Variants in NUSAP1 observed in about 807,000 individuals in gnomAD.
NUSAP1 encodes the protein nucleolar and spindle associated protein 1, also known as nucleolar and spindle-associated protein 1.
Under a neutral mutation model 52.8 loss-of-function variants are expected in NUSAP1, and 32 were observed. That is an observed-to-expected ratio of 0.61 (90% CI 0.46 to 0.81). NUSAP1 has a LOEUF of 0.81. Ranked by LOEUF, NUSAP1 falls within the 40% of genes least tolerant of loss-of-function variation. The pLI is 0.00. For synonymous variants in NUSAP1, 195 were observed against 183.1 expected, an observed-to-expected ratio of 1.06 and a Z score of -0.52; for missense variants, 499 against 522.3, an observed-to-expected ratio of 0.96 and a Z score of 0.43.
intron 6 of NUSAP1, among the ~76,000 whole-genome samples, chr15:41,358,568 C>T (rs1284339968): frequency 6.6e-6 from 1 of 152,188 alleles, no homozygotes; most frequent in Non-Finnish European, 1.5e-5. Flanking sequence ...GAAACCCTGT[C>T]TCTACAAAAA....
chr15:41,340,183 A>G (rs1317493208), intron 1 of NUSAP1, among the ~76,000 whole-genome samples: 4 of 152,012 alleles, frequency 2.6e-5, no homozygotes, highest in Admixed American at 1.3e-4. Flanking sequence ...TACTTCTACC[A>G]TAAGGGCAGT....
intron 7 of NUSAP1, among the ~76,000 whole-genome samples, chr15:41,368,728 C>CTTTTTTTTTTTTTTTTTTTTTTTTTTT (rs57501156): frequency 1.3e-5 from 1 of 77,942 alleles, no homozygotes; most frequent in African/African-American, 5.3e-5. Flanking sequence ...TTATTTTATT[C>CTTTTTTTTTTTTTTTTTTTTTTTTTTT]TTTTTTTTTT....
intron 4 of NUSAP1, among the ~76,000 whole-genome samples, chr15:41,354,250 T>C (rs2048879405): frequency 6.6e-6 from 1 of 152,184 alleles, no homozygotes; most frequent in Admixed American, 6.6e-5. Flanking sequence ...CTTACGCTTG[T>C]AATCCTAACA....
At chr15:41,357,182 G>A (rs2049005884) in intron 5 of NUSAP1, among the ~76,000 whole-genome samples, 1 of 151,972 alleles carries the variant, frequency 6.6e-6, no homozygotes, top group Admixed American at 6.6e-5. Context: ...AGCCTGGCCA[G>A]CATGGTGAAA....
chr15:41,358,343 TG>T (rs879727286), intron 6 of NUSAP1, 85 bp downstream of exon 6: 150 of 659,096 alleles, frequency 2.3e-4, no homozygotes, highest in Non-Finnish European at 2.6e-4. Context: ...TTACAACAAC[TG>T]GCTGTCACTC....
At chr15:41,357,283 G>A (rs536767514) in intron 5 of NUSAP1, among the ~76,000 whole-genome samples, 7 of 151,858 alleles carry the variant, frequency 4.6e-5, no homozygotes, top group Admixed American at 2.6e-4. Flanking sequence ...CAGGAAAATC[G>A]CTTGAACCTG....
chr15:41,368,272 C>T (rs1595589940), intron 7 of NUSAP1, among the ~76,000 whole-genome samples: 1 of 152,094 alleles, frequency 6.6e-6, no homozygotes, highest in African/African-American at 2.4e-5. Flanking sequence ...CCTGCCTCAG[C>T]CTCCCAAAGT....
chr15:41,375,871 A>C (rs763971941), intron 9 of NUSAP1, 43 bp downstream of exon 9: 3 of 1,373,350 alleles, frequency 2.2e-6, no homozygotes. Context: ...TAAAATACTT[A>C]AGATTGGTGG....
chr15:41,370,712 T>C (rs1402666838), intron 7 of NUSAP1, among the ~76,000 whole-genome samples: 1 of 142,586 alleles, frequency 7.0e-6, no homozygotes, highest in African/African-American at 2.6e-5. Flanking sequence ...ATCGCACCAT[T>C]GCACTCCAGC....
At chr15:41,345,402 G>T in intron 2 of NUSAP1, 1 of 397,958 alleles carries the variant, frequency 2.5e-6, no homozygotes, top group Admixed American at 3.4e-5. Flanking sequence ...ATCTTGAAAA[G>T]GCCAAAGATA....
At chr15:41,336,341 A>G (rs2048130860) in intron 1 of NUSAP1, among the ~76,000 whole-genome samples, 1 of 151,466 alleles carries the variant, frequency 6.6e-6, no homozygotes, top group African/African-American at 2.4e-5. Context: ...ACTTCTCTTA[A>G]TGGTATAGCA....
chr15:41,357,682 G>A (rs73404987), intron 5 of NUSAP1, among the ~76,000 whole-genome samples: 13,217 of 151,878 alleles, frequency 0.087, 725 homozygotes, highest in African/African-American at 0.16. Context: ...GACCTCAGGT[G>A]ATCTGACCGC....
chr15:41,351,637 A>T (rs2048782361), intron 4 of NUSAP1, among the ~76,000 whole-genome samples: 1 of 152,082 alleles, frequency 6.6e-6, no homozygotes, highest in African/African-American at 2.4e-5. Flanking sequence ...AGTCAAAAGA[A>T]TCAGCCAGCC....
At chr15:41,352,169 C>T (rs544906005) in intron 4 of NUSAP1, among the ~76,000 whole-genome samples, 5 of 152,042 alleles carry the variant, frequency 3.3e-5, no homozygotes, top group Non-Finnish European at 5.9e-5. Flanking sequence ...GTCTCGAACT[C>T]CTGACCTCGT....
chr15:41,351,157 G>A, intron 4 of NUSAP1, 28 bp downstream of exon 4: 1 of 1,592,600 alleles, frequency 6.3e-7, no homozygotes, highest in South Asian at 1.1e-5. Context: ...GGTATGTCAA[G>A]TAACTTTAAA....
chr15:41,378,944 G>GGTTTTTTTTTTTTT (rs1253258207), intron 10 of NUSAP1, among the ~76,000 whole-genome samples: 8 of 63,264 alleles, frequency 1.3e-4, no homozygotes, highest in African/African-American at 4.9e-4. Context: ...ACTTATCTTG[G>GGTTTTTTTTTTTTT]TTTTTTTTTT....
intron 2 of NUSAP1, 149 bp downstream of exon 2, chr15:41,342,603 A>G: frequency 1.7e-6 from 1 of 605,696 alleles, no homozygotes; most frequent in East Asian, 3.1e-5. Flanking sequence ...TTTGGTAGGC[A>G]GTGGCAGGCG....
intron 1 of NUSAP1, among the ~76,000 whole-genome samples, chr15:41,336,649 T>TGTTTTTTGTTTTTTTTTTTTG (rs755637715): frequency 1.8e-5 from 2 of 109,404 alleles, no homozygotes; most frequent in Middle Eastern, 4.2e-3. Flanking sequence ...CTCCTTTTGG[T>TGTTTTTTGTTTTTTTTTTTTG]TTTTTTTTTT....
rs776578468 is a variant in NUSAP1 at position 41,351,175 on chromosome 15, A to T, written c.448+46A>T. ...ATGTCAAGTAACTTTAAAAACCAAA[A>T]TTGCTAGAAGTAGCCAGGTACATTA... On this transcript the variant is annotated intron_variant, in intron 4 of 10. Transcript: ENST00000559596. The T allele has an allele frequency of 3.2e-6, 5 of 1,585,614 alleles. No homozygotes were observed. In the South Asian group the frequency reaches 5.8e-5, roughly 18 times the overall value.
Sources: gnomAD v4.1 joint callset for allele counts (sites outside exome capture counted in the v4.1 genomes callset) on GRCh38, gnomAD v4.1.1 for gene constraint, MANE v1.5 for transcripts, NCBI Gene and HGNC (gene_info 2026-07-23, HGNC 2026-07-21) for gene names.